The following MAN1A1 variants were observed in gnomAD, a reference collection of about 807,000 sequenced individuals.
The protein encoded by MAN1A1 is mannosyl-oligosaccharide 1,2-alpha-mannosidase IA.
MAN1A1 carries 29 observed loss-of-function variants against 70.8 expected under a neutral mutation model. The ratio of observed to expected loss-of-function variants is 0.41; its 90% CI spans 0.31 to 0.56. The LOEUF is 0.56. Ranked by LOEUF, MAN1A1 falls within the 20% of genes least tolerant of loss-of-function variation. MAN1A1 has a pLI of 0.29. For missense variants in MAN1A1, 747 were observed against 841.3 expected, an observed-to-expected ratio of 0.89 and a Z score of 1.39; for synonymous variants, 349 against 330.1, an observed-to-expected ratio of 1.06 and a Z score of -0.62.
In MAN1A1 at chr6:119,260,987, T is replaced by TTTTTTC. The variant is rs1370677043; in HGVS notation, c.898-12634_898-12633insGAAAAA. On this transcript the variant is annotated intron_variant, in intron 5 of 12. Coordinates refer to ENST00000368468, the MANE Select transcript of MAN1A1 (RefSeq NM_005907.4). ...CTTGTTTTTTTATTGTTTTTTTTTT[T>TTTTTTC]TTTTTTTTTGAGATGGAGTCTCGCT... Among the ~76,000 whole-genome samples, 84 of 139,700 alleles carry TTTTTTC rather than the reference T, an allele frequency of 6.0e-4. 5 individuals carry two copies. The highest frequency in any genetic ancestry group is 2.2e-3 in the African/African-American group (82 of 37,108). 91.6% of individuals were successfully genotyped at this position (139,700 alleles called of 152,430 possible).
intron 2 of MAN1A1, among the ~76,000 whole-genome samples, chr6:119,333,432 C>T (rs146405518): frequency 2.6e-5 from 4 of 152,248 alleles, no homozygotes; most frequent in South Asian, 2.1e-4. Flanking sequence ...AGTCTTCTGA[C>T]GTGTGTAACA....
intron 5 of MAN1A1, among the ~76,000 whole-genome samples, chr6:119,260,831 T>C (rs1490785641): frequency 6.6e-6 from 1 of 152,136 alleles, no homozygotes; most frequent in Non-Finnish European, 1.5e-5. Context: ...TCTTTTTTAT[T>C]AGAAGAGTTT....
intron 5 of MAN1A1, among the ~76,000 whole-genome samples, chr6:119,283,093 G>C (rs1222285420): frequency 6.6e-6 from 1 of 152,164 alleles, no homozygotes; most frequent in East Asian, 1.9e-4. Context: ...AGATAAAAAG[G>C]ATGATGTTTT....
At chr6:119,210,893 T>C (rs543631359) in intron 6 of MAN1A1, 2 of 456,246 alleles carry the variant, frequency 4.4e-6, no homozygotes, top group South Asian at 1.6e-5. Flanking sequence ...CCACCTCATA[T>C]GGTAGCCTCC....
At chr6:119,282,084 A>T (rs1776239712) in intron 5 of MAN1A1, among the ~76,000 whole-genome samples, 1 of 151,536 alleles carries the variant, frequency 6.6e-6, no homozygotes, top group Admixed American at 6.6e-5. Context: ...AAACAAAACA[A>T]AACAAAACAA....
intron 2 of MAN1A1, among the ~76,000 whole-genome samples, chr6:119,345,063 C>T (rs962598826): frequency 6.6e-6 from 1 of 151,928 alleles, no homozygotes; most frequent in Non-Finnish European, 1.5e-5. Flanking sequence ...CTGTCTTTAG[C>T]CCCAGCCCCT....
chr6:119,186,104 G>C (rs1773285402), intron 11 of MAN1A1, among the ~76,000 whole-genome samples: 1 of 152,006 alleles, frequency 6.6e-6, no homozygotes, highest in Non-Finnish European at 1.5e-5. Flanking sequence ...GGTACCCCCA[G>C]AGCACAGAAC....
At chr6:119,315,640 C>A (rs1772830577) in intron 2 of MAN1A1, among the ~76,000 whole-genome samples, 2 of 152,094 alleles carry the variant, frequency 1.3e-5, no homozygotes, top group South Asian at 4.2e-4. Context: ...AAATATAAGT[C>A]CATTTCTCTA....
chr6:119,196,388 T>C (rs923968719), intron 8 of MAN1A1, among the ~76,000 whole-genome samples: 1 of 151,704 alleles, frequency 6.6e-6, no homozygotes, highest in Non-Finnish European at 1.5e-5. Context: ...TAATTTAGCA[T>C]GTCACTCACT....
chr6:119,281,226 G>C (rs888831807), intron 5 of MAN1A1, among the ~76,000 whole-genome samples: 1 of 152,206 alleles, frequency 6.6e-6, no homozygotes, highest in African/African-American at 2.4e-5. Flanking sequence ...TTTATTGAAG[G>C]GTTTTTCCAG....
At chr6:119,185,342 T>A (rs1302896677) in intron 11 of MAN1A1, among the ~76,000 whole-genome samples, 1 of 152,216 alleles carries the variant, frequency 6.6e-6, no homozygotes, top group African/African-American at 2.4e-5. Context: ...ATATACCTTT[T>A]CACATCTTAT....
chr6:119,246,416 T>C (rs1240827266), intron 6 of MAN1A1, among the ~76,000 whole-genome samples: 5 of 152,170 alleles, frequency 3.3e-5, no homozygotes, highest in Non-Finnish European at 7.4e-5. Context: ...ATGAGAGGCA[T>C]ATGTTCATCG....
At chr6:119,201,422 T>C (rs1011878027) in intron 7 of MAN1A1, 75 bp from the exon 8 acceptor site, 1 of 963,748 alleles carries the variant, frequency 1.0e-6, no homozygotes, top group Non-Finnish European at 1.7e-6. Context: ...TTCTTGAACA[T>C]ACAAGTTGAC....
intron 2 of MAN1A1, among the ~76,000 whole-genome samples, chr6:119,327,028 C>T (rs1193660663): frequency 6.6e-6 from 1 of 152,158 alleles, no homozygotes; most frequent in Non-Finnish European, 1.5e-5. Flanking sequence ...ATGCTGTAAT[C>T]CCCAGACCTG....
intron 6 of MAN1A1, among the ~76,000 whole-genome samples, chr6:119,238,991 T>C (rs969239603): frequency 8.5e-5 from 13 of 152,124 alleles, no homozygotes; most frequent in African/African-American, 2.6e-4. Context: ...CCCGGGTTCA[T>C]GCCATTCTCC....
At chr6:119,279,391 T>C (rs1005506) in intron 5 of MAN1A1, among the ~76,000 whole-genome samples, 135,395 of 152,202 alleles carry the variant, frequency 0.89, 60,497 homozygotes, top group Non-Finnish European at 0.91. Context: ...TACCAAACCT[T>C]AACTAAAACC....
intron 5 of MAN1A1, among the ~76,000 whole-genome samples, chr6:119,266,087 C>T (rs1562217256): frequency 6.6e-6 from 1 of 151,942 alleles, no homozygotes; most frequent in Non-Finnish European, 1.5e-5. Context: ...ATGAAGAAAA[C>T]TACAAAATTC....
At chr6:119,335,417 GA>G (rs1562247089) in intron 2 of MAN1A1, among the ~76,000 whole-genome samples, 1 of 152,202 alleles carries the variant, frequency 6.6e-6, no homozygotes, top group Admixed American at 6.5e-5. Context: ...AGGGAGGACA[GA>G]AGTGTTTCTA....
chr6:119,267,133 C>G (rs1775779790), intron 5 of MAN1A1, among the ~76,000 whole-genome samples: 2 of 152,176 alleles, frequency 1.3e-5, no homozygotes, highest in Non-Finnish European at 2.9e-5. Context: ...TCATTCATTT[C>G]AGGTGGAAAT....
Sources: gnomAD v4.1 joint callset for allele counts (sites outside exome capture counted in the v4.1 genomes callset) on GRCh38, gnomAD v4.1.1 for gene constraint, MANE v1.5 for transcripts, NCBI Gene and HGNC (gene_info 2026-07-23, HGNC 2026-07-21) for gene names.